Variants in MYO18A observed in about 807,000 individuals in gnomAD.
MYO18A encodes the protein unconventional myosin-XVIIIa.
Under a neutral mutation model 235.8 loss-of-function variants are expected in MYO18A, and 78 were observed. That is an observed-to-expected ratio of 0.33 (90% confidence interval 0.28 to 0.40). The LOEUF is 0.40. Ranked by LOEUF, MYO18A falls within the 10% of genes least tolerant of loss-of-function variation. The pLI is 1.00. For missense variants in MYO18A, 2,215 were observed against 2,699.3 expected (o/e 0.82, Z 3.98); for synonymous variants, 977 against 1,077.8 (o/e 0.91, Z 1.83).
intron 1 of MYO18A, among the ~76,000 whole-genome samples, chr17:29,174,850 T>C (rs1184984530): frequency 2.0e-5 from 3 of 152,120 alleles, no homozygotes; most frequent in Non-Finnish European, 4.4e-5. Flanking sequence ...TGAGCAGTTG[T>C]ATAATTAAAA....
At chr17:29,143,543 T>C (rs2067787475) in intron 2 of MYO18A, among the ~76,000 whole-genome samples, 1 of 152,088 alleles carries the variant, frequency 6.6e-6, no homozygotes, top group Non-Finnish European at 1.5e-5. Flanking sequence ...CATTTGGCCT[T>C]AATACATTTT....
Position 29,118,859 on chromosome 17 carries a change from G to T in MYO18A, c.1830-419C>A, listed in dbSNP as rs904434661. Among the ~76,000 whole-genome samples, 1 of 152,230 alleles carries T rather than the reference G, an allele frequency of 6.6e-6. No homozygotes were observed. The highest frequency in any genetic ancestry group is 1.5e-5 in the Non-Finnish European group (1 of 68,040). On this transcript the variant is annotated intron_variant, in intron 8 of 41. Coordinates refer to ENST00000527372, the MANE Select transcript of MYO18A (RefSeq NM_078471.4). The surrounding 1 kb of genome is among the most constrained non-coding windows in gnomAD (Gnocchi z 4.2). ...AATCTGAATGTCTGAAGGGAAGAGC[G>T]TGGCAGAGGCAGCCAACGTGGGGCA... is the stretch of plus-strand genomic sequence containing the variant.
intron 2 of MYO18A, chr17:29,165,627 T>G: frequency 3.0e-6 from 1 of 331,582 alleles, no homozygotes; most frequent in Non-Finnish European, 5.6e-6. Flanking sequence ...CAGTGAACCT[T>G]TGGGGACTTG....
chr17:29,093,011 CA>C lies in MYO18A; in HGVS notation c.4927-11del, dbSNP rs2066435029. The C allele has an allele frequency of 6.2e-7, 1 of 1,611,810 alleles. No individual in the cohort carries two copies. The highest frequency in any genetic ancestry group is 8.5e-7 in the Non-Finnish European group (1 of 1,179,380). On this transcript the variant is annotated splice_polypyrimidine_tract_variant and intron_variant, in intron 32 of 41. Coordinates refer to ENST00000527372, the MANE Select transcript of MYO18A (RefSeq NM_078471.4). Reference sequence around the variant, plus strand: ...AGTCCCGCCGGTTCACCTGGGTGGGCACCAGCAGTTGGGGTTCTGGGCTCTG... The same window carrying C: ...AGTCCCGCCGGTTCACCTGGGTGGGCCCAGCAGTTGGGGTTCTGGGCTCTG...
At chr17:29,092,804 GA>G in intron 33 of MYO18A, 50 bp downstream of exon 33, 1 of 1,595,224 alleles carries the variant, frequency 6.3e-7, no homozygotes, top group African/African-American at 1.3e-5. Flanking sequence ...AAAGAGAATG[GA>G]AAGGTAAGCT....
intron 2 of MYO18A, among the ~76,000 whole-genome samples, chr17:29,163,447 G>A (rs1020122030): frequency 6.6e-6 from 1 of 152,218 alleles, no homozygotes; most frequent in African/African-American, 2.4e-5. Flanking sequence ...TCTAGGAGAT[G>A]CATGGGGATG....
At chr17:29,148,708 G>A (rs1178350723) in intron 2 of MYO18A, among the ~76,000 whole-genome samples, 1 of 152,152 alleles carries the variant, frequency 6.6e-6, no homozygotes, top group East Asian at 1.9e-4. Context: ...AATTCTACCA[G>A]TGCCGATAGC....
At chr17:29,100,885 C>G (rs1429871268) in intron 21 of MYO18A, among the ~76,000 whole-genome samples, 2 of 152,236 alleles carry the variant, frequency 1.3e-5, no homozygotes. Context: ...GAAACCTGGT[C>G]CCCTGAGGCT....
rs187006410 is a variant in MYO18A at position 29,136,226 on chromosome 17, A to G, written c.1000-13973T>C. On this transcript the variant is annotated intron_variant, in intron 2 of 41. Transcript: ENST00000527372. ...AGCCTGGGTGACCGAGTGAGACCCC[A>G]TCTCAAAAGAAAAAAAAAAAAAAAA... is the stretch of plus-strand genomic sequence containing the variant. 5.5e-3 allele frequency among the ~76,000 whole-genome samples: 496 copies of G among 89,906 alleles called. 1 individual carries two copies. The highest frequency in any genetic ancestry group is 8.5e-3 in the Non-Finnish European group (368 of 43,152). The allele number at this position is 89,906 out of a possible 152,430, so 59.0% of individuals were successfully genotyped here.
In MYO18A at chr17:29,121,950, T is replaced by C. The variant is rs757064599; in HGVS notation, c.1095A>G (p.Gln365=). ...VHRDGFSLAS[Q]LKSEELNLPE... is the part of the protein sequence containing the mutation. Reference sequence around the variant, plus strand: ...GCAAGTTGAGCTCCTCAGATTTGAGTTGACTGGCTGCAGGGGAGGGACAGA... The same window carrying C: ...GCAAGTTGAGCTCCTCAGATTTGAGCTGACTGGCTGCAGGGGAGGGACAGA... Residue 365 remains glutamine (Q), a synonymous_variant, in exon 4 of 42, where the codon CAA becomes CAG. Transcript: ENST00000527372. The surrounding 1 kb of genome is among the most constrained non-coding windows in gnomAD (Gnocchi z 4.2). 6.8e-6 allele frequency: 11 copies of C among 1,613,842 alleles called. No individual in the cohort carries two copies. In the South Asian group the frequency reaches 9.9e-5, roughly 14 times the overall value.
chr17:29,178,789 C>T (rs1222920664), intron 1 of MYO18A, among the ~76,000 whole-genome samples: 1 of 152,204 alleles, frequency 6.6e-6, no homozygotes, highest in Non-Finnish European at 1.5e-5. Flanking sequence ...AGGGCACCAA[C>T]CTGCTCAAGA....
intron 28 of MYO18A, 141 bp from the exon 29 acceptor site, chr17:29,095,200 G>C: frequency 7.8e-7 from 1 of 1,288,292 alleles, no homozygotes; most frequent in Non-Finnish European, 1.0e-6. Flanking sequence ...CCAGTTGTAA[G>C]GTAGCGGTGA....
rs1159049527 is a variant in MYO18A at position 29,134,425 on chromosome 17, C to A, written c.1000-12172G>T. On this transcript the variant is annotated intron_variant, in intron 2 of 41. Coordinates refer to ENST00000527372, the MANE Select transcript of MYO18A (RefSeq NM_078471.4). ...AATAAGCCACTTCGCCTCTTTGGGC[C>A]TCTCTGTAGAATTAGGGGCTAGTCT... is the stretch of plus-strand genomic sequence containing the variant. Among the ~76,000 whole-genome samples the A allele has an allele frequency of 2.6e-5, 4 of 152,156 alleles. No individual in the cohort carries two copies. In the East Asian group the frequency reaches 7.7e-4, roughly 29 times the overall value.
chr17:29,109,879 C>T lies in MYO18A; in HGVS notation c.3310G>A (p.Ala1104Thr). The part of the protein sequence containing the change: ...TQLRGSRLLD[A>T]MRMYRQGYPD... ...CCACCTTGGCGGTACATGCGCATGG[C>T]ATCGAGCAGGCGGGAGCCGCGGAGC... Residue 1104 changes from alanine (A) to threonine (T), a missense_variant, in exon 19 of 42, where the codon GCC becomes ACC. Physicochemically the swap from Ala to Thr is moderately conservative, Grantham distance 58. Coordinates refer to ENST00000527372, the MANE Select transcript of MYO18A (RefSeq NM_078471.4). This position sits in a 1 kb window ranked among gnomAD's most constrained non-coding sequence, Gnocchi z 4.1. 2 of 1,565,156 alleles carry T rather than the reference C, an allele frequency of 1.3e-6. No homozygotes were observed. The highest frequency in any genetic ancestry group is 1.7e-6 in the Non-Finnish European group (2 of 1,154,946).
intron 15 of MYO18A, among the ~76,000 whole-genome samples, chr17:29,112,608 A>T: frequency 6.6e-6 from 1 of 152,244 alleles, no homozygotes. Flanking sequence ...ATATCCCATG[A>T]AGGCCAAACA....
At position 29,074,449 on chromosome 17, in the gene MYO18A, G is replaced by C. The variant is rs2065928757; in HGVS notation, c.*321C>G. On this transcript the variant is annotated 3_prime_UTR_variant, in exon 42 of 42. Transcript: ENST00000527372. The surrounding 1 kb of genome is among the most constrained non-coding windows in gnomAD (Gnocchi z 4.4). ...ACCGTCCCTGAGCAGGGAGCTGAGA[G>C]GGAGGTCAACGTGCTGGCTCCATGC... 2 of 582,956 alleles carry C rather than the reference G, an allele frequency of 3.4e-6. No homozygotes were observed. Among genetic ancestry groups the C allele is most frequent in the Non-Finnish European group, 6.2e-6 (2 of 321,516 alleles). 36.1% of individuals were successfully genotyped at this position (582,956 alleles called of 1,614,324 possible). A position where few individuals can be genotyped will look rare whatever the true frequency, so the allele number is the denominator to read the frequency against.
chr17:29,134,903 C>T (rs1013858735), intron 2 of MYO18A, among the ~76,000 whole-genome samples: 1 of 152,062 alleles, frequency 6.6e-6, no homozygotes, highest in Non-Finnish European at 1.5e-5. Context: ...GCCTCAGGAC[C>T]CCAGCGACTT....
chr17:29,109,765 C>A lies in MYO18A; in HGVS notation c.3331+93G>T, dbSNP rs2066881380. 6.9e-7 allele frequency: 1 copy of A among 1,446,700 alleles called. No homozygotes were observed. Among genetic ancestry groups the A allele is most frequent in the Admixed American group, 2.1e-5 (1 of 48,432 alleles). The allele number at this position is 1,446,700 out of a possible 1,614,324, so 89.6% of individuals were successfully genotyped here. ...TCGTGAGGAAAGACAGGAGCAGCCC[C>A]ACTGCAGCCCACGGGTCGCAGGTGG... On this transcript the variant is annotated intron_variant, in intron 19 of 41. Transcript: ENST00000527372. This position sits in a 1 kb window ranked among gnomAD's most constrained non-coding sequence, Gnocchi z 4.1.
intron 2 of MYO18A, 44 bp from the exon 3 acceptor site, chr17:29,122,297 C>G: frequency 6.4e-7 from 1 of 1,563,440 alleles, no homozygotes; most frequent in East Asian, 2.3e-5. Context: ...CTATGGAAGA[C>G]AGGGACAAGG....
Sources: allele counts gnomAD v4.1 joint callset (sites outside exome capture counted in the v4.1 genomes callset), GRCh38; gene constraint gnomAD v4.1.1; non-coding constraint Gnocchi (gnomAD v3.1); transcripts MANE v1.5; gene names NCBI Gene and HGNC (gene_info 2026-07-23, HGNC 2026-07-21).